PTPN9: variants seen among roughly 807,000 people sequenced by gnomAD.
PTPN9 encodes tyrosine-protein phosphatase non-receptor type 9.
A neutral mutation model predicts 69.8 loss-of-function variants in PTPN9; 26 were observed. The ratio of observed to expected loss-of-function variants is 0.37; its 90% CI spans 0.27 to 0.52. The LOEUF (loss-of-function observed/expected upper bound fraction) is 0.52, where lower values mean the gene tolerates loss of function less well. Among genes scored for constraint, PTPN9 ranks in the 20% least tolerant of loss-of-function variants. PTPN9 has a pLI of 0.91. For missense variants in PTPN9, 549 were observed against 740.3 expected, an observed-to-expected ratio of 0.74 and a Z score of 3.00; for synonymous variants, 274 against 272.5, an observed-to-expected ratio of 1.01 and a Z score of -0.05.
intron 9 of PTPN9, 24 bp downstream of exon 9, chr15:75,479,824 C>T (rs370523064): frequency 7.7e-5 from 120 of 1,566,452 alleles, no homozygotes; most frequent in Non-Finnish European, 9.8e-5. Flanking sequence ...ACAAAATCAA[C>T]ATGGGAGGGA....
At chr15:75,533,612 A>C (rs1411328113) in intron 1 of PTPN9, among the ~76,000 whole-genome samples, 1 of 152,098 alleles carries the variant, frequency 6.6e-6, no homozygotes, top group Non-Finnish European at 1.5e-5. Flanking sequence ...ATAATTATCT[A>C]CTTCTCCCAC....
chr15:75,494,046 C>T (rs766328648), intron 7 of PTPN9, among the ~76,000 whole-genome samples: 2 of 150,876 alleles, frequency 1.3e-5, no homozygotes, highest in Non-Finnish European at 2.9e-5. Flanking sequence ...ATTTTGACAG[C>T]GTTGAGTACT....
intron 1 of PTPN9, among the ~76,000 whole-genome samples, chr15:75,573,687 C>T (rs1005541306): frequency 6.6e-6 from 1 of 152,196 alleles, no homozygotes; most frequent in Admixed American, 6.6e-5. Flanking sequence ...GCAAGTATTT[C>T]CGTAAGTGCC....
intron 4 of PTPN9, among the ~76,000 whole-genome samples, chr15:75,520,581 G>A (rs750505610): frequency 4.9e-4 from 75 of 151,536 alleles, no homozygotes; most frequent in Non-Finnish European, 9.6e-4. Flanking sequence ...GCAATAGTGC[G>A]ATCTCTGCTC....
intron 1 of PTPN9, among the ~76,000 whole-genome samples, chr15:75,545,920 C>T (rs2075030493): frequency 6.6e-6 from 1 of 152,138 alleles, no homozygotes; most frequent in Non-Finnish European, 1.5e-5. Context: ...TGCACTCCAG[C>T]CTGGGTGACA....
chr15:75,529,650 C>G (rs778233673), intron 1 of PTPN9, among the ~76,000 whole-genome samples: 1 of 152,192 alleles, frequency 6.6e-6, no homozygotes, highest in Non-Finnish European at 1.5e-5. Context: ...TGGCCCACAA[C>G]TATAATCCCA....
At position 75,464,803 on chromosome 15, in the gene PTPN9, C is replaced by T. The variant is rs1405008429; in HGVS notation, c.*3966G>A. On this transcript the variant is annotated 3_prime_UTR_variant, in exon 13 of 13. Transcript: ENST00000618819. ...GCTATGATGCTAAATAGTCCATTCT[C>T]CCAAGAACAAGTCCTACTCTGTCAT... The T allele has an allele frequency of 2.0e-5, 3 of 152,182 alleles. No homozygotes were observed. The highest frequency in any genetic ancestry group is 4.4e-5 in the Non-Finnish European group (3 of 68,040). The allele number at this position is 152,182 out of a possible 1,614,324, so 9.4% of individuals were successfully genotyped here.
At chr15:75,511,310 G>A (rs2074844373) in intron 5 of PTPN9, among the ~76,000 whole-genome samples, 1 of 151,814 alleles carries the variant, frequency 6.6e-6, no homozygotes, top group Non-Finnish European at 1.5e-5. Flanking sequence ...GGAGTACGAT[G>A]GCACCATCAT....
In PTPN9 at chr15:75,464,090, A is replaced by C. The variant is rs1388200376; in HGVS notation, c.*4679T>G. ...CCTCCAATTGGAAGGCCAAGGGGGA[A>C]GAGAACTGAGGGAAGCTAGGGAAGT... On this transcript the variant is annotated 3_prime_UTR_variant, in exon 13 of 13. Transcript: ENST00000618819. The C allele has an allele frequency of 6.6e-6, 1 of 152,408 alleles. No homozygotes were observed. The highest frequency in any genetic ancestry group is 1.5e-5 in the Non-Finnish European group (1 of 68,214). 9.4% of individuals were successfully genotyped at this position (152,408 alleles called of 1,614,324 possible). A position where few individuals can be genotyped will look rare whatever the true frequency, so the allele number is the denominator to read the frequency against.
chr15:75,477,159 C>G (rs1035139431), intron 9 of PTPN9, among the ~76,000 whole-genome samples: 2 of 152,216 alleles, frequency 1.3e-5, no homozygotes, highest in African/African-American at 4.8e-5. Flanking sequence ...TTACTAGCTG[C>G]ATGGTCCAAG....
At chr15:75,574,653 T>C (rs890728740) in intron 1 of PTPN9, among the ~76,000 whole-genome samples, 5 of 151,970 alleles carry the variant, frequency 3.3e-5, no homozygotes, top group Admixed American at 2.6e-4. Flanking sequence ...AGAAATATTT[T>C]TAAGGAGCCA....
At chr15:75,564,462 A>G (rs28623408) in intron 1 of PTPN9, among the ~76,000 whole-genome samples, 90,191 of 150,864 alleles carry the variant, frequency 0.6, 28,252 homozygotes, top group African/African-American at 0.8. Flanking sequence ...CAGGCGTGGT[A>G]GCGGGCGCCT....
intron 1 of PTPN9, among the ~76,000 whole-genome samples, chr15:75,559,477 C>A (rs1408362856): frequency 6.6e-6 from 1 of 152,194 alleles, no homozygotes; most frequent in Non-Finnish European, 1.5e-5. Context: ...TTGCCCCCAG[C>A]CCGATGCTCT....
intron 7 of PTPN9, among the ~76,000 whole-genome samples, chr15:75,504,209 G>T (rs1374934578): frequency 8.6e-6 from 1 of 116,738 alleles, no homozygotes; most frequent in Non-Finnish European, 1.8e-5. Flanking sequence ...GAGGGAGGTC[G>T]GGGGGGTCAG....
At chr15:75,470,239 C>T (rs2074556853) in intron 11 of PTPN9, among the ~76,000 whole-genome samples, 1 of 152,216 alleles carries the variant, frequency 6.6e-6, no homozygotes, top group Non-Finnish European at 1.5e-5. Context: ...GGATCTCACT[C>T]TGTTGCCCAG....
In PTPN9 at chr15:75,523,231, T is replaced by C; in HGVS notation, c.312A>G (p.Pro104=). ...GKFTILNVRD[P]TGASIALFTA... Reference sequence around the variant, plus strand: ...TAAAGAGGGCAATGGAGGCTCCTGTTGGGTCCCGAACATTCTAAAGCAAAT... The same window carrying C: ...TAAAGAGGGCAATGGAGGCTCCTGTCGGGTCCCGAACATTCTAAAGCAAAT... The change falls in exon 4 of 13, where the codon CCA becomes CCG. Residue 104 remains proline, a synonymous_variant. Transcript: ENST00000618819. The C allele has an allele frequency of 1.9e-6, 3 of 1,613,950 alleles. No individual in the cohort carries two copies. Among genetic ancestry groups the C allele is most frequent in the Non-Finnish European group, 2.5e-6 (3 of 1,179,992 alleles).
At chr15:75,529,237 G>A (rs1452067069) in intron 1 of PTPN9, among the ~76,000 whole-genome samples, 4 of 151,582 alleles carry the variant, frequency 2.6e-5, no homozygotes, top group East Asian at 2.0e-4. Context: ...CGTCCGCCTC[G>A]GCCTCCCAAA....
Position 75,470,842 on chromosome 15 carries a change from C to G in PTPN9, c.1209-12G>C, listed in dbSNP as rs377653679. Reference sequence around the variant, plus strand: ...CGCCTTCCTCAAAGCTGAAGACACACAGAGCAAGGTAAGCCTTCCATCGTT... The same window carrying G: ...CGCCTTCCTCAAAGCTGAAGACACAGAGAGCAAGGTAAGCCTTCCATCGTT... On this transcript the variant is annotated splice_polypyrimidine_tract_variant and intron_variant, in intron 10 of 12. Transcript: ENST00000618819. The G allele has an allele frequency of 6.2e-7, 1 of 1,613,552 alleles. No individual in the cohort carries two copies. The highest frequency in any genetic ancestry group is 1.3e-5 in the African/African-American group (1 of 74,900).
chr15:75,536,946 A>G (rs2074984667), intron 1 of PTPN9, among the ~76,000 whole-genome samples: 1 of 152,184 alleles, frequency 6.6e-6, no homozygotes, highest in South Asian at 2.1e-4. Flanking sequence ...TACTTAATAA[A>G]TATCTATGAT....
Sources: allele counts gnomAD v4.1 joint callset (sites outside exome capture counted in the v4.1 genomes callset), GRCh38; gene constraint gnomAD v4.1.1; transcripts MANE v1.5; gene names NCBI Gene and HGNC (gene_info 2026-07-23, HGNC 2026-07-21).